Variants in GRIP1 observed in about 807,000 individuals in gnomAD.
The protein encoded by GRIP1 is glutamate receptor-interacting protein 1.
In GRIP1, 45 loss-of-function variants were observed where a neutral mutation model predicts 129.9. The observed-to-expected ratio is 0.35, with a 90% CI of 0.27 to 0.44. The LOEUF is 0.44. GRIP1 is among the 20% of genes least tolerant of loss of function. The pLI is 1.00. For missense variants in GRIP1, 1,196 were observed against 1,396.8 expected, an observed-to-expected ratio of 0.86 and a Z score of 2.29; for synonymous variants, 530 against 520.8, an observed-to-expected ratio of 1.02 and a Z score of -0.24.
intron 1 of GRIP1, among the ~76,000 whole-genome samples, chr12:66,725,886 T>G (rs1011620266): frequency 6.6e-6 from 1 of 152,194 alleles, no homozygotes; most frequent in Non-Finnish European, 1.5e-5. Context: ...TGATCCCAGT[T>G]TTTGAAAAAC....
At chr12:66,563,340 C>A (rs1436846883) in intron 2 of GRIP1, among the ~76,000 whole-genome samples, 1 of 151,980 alleles carries the variant, frequency 6.6e-6, no homozygotes, top group Non-Finnish European at 1.5e-5. Context: ...TGCTTTTCAA[C>A]ATGTAGGGTT....
chr12:66,735,261 G>C (rs115872812), intron 1 of GRIP1, among the ~76,000 whole-genome samples: 1,808 of 152,324 alleles, frequency 0.012, 52 homozygotes, highest in African/African-American at 0.041. Flanking sequence ...GAAAGGATGA[G>C]TGGGTTTTAA....
chr12:66,641,180 A>C (rs892121626), intron 1 of GRIP1, among the ~76,000 whole-genome samples: 3 of 152,248 alleles, frequency 2.0e-5, no homozygotes, highest in African/African-American at 7.2e-5. Context: ...GGCTCTGAGG[A>C]AATGGTAGTA....
At chr12:66,589,531 T>C (rs1417049171) in intron 2 of GRIP1, among the ~76,000 whole-genome samples, 2 of 152,136 alleles carry the variant, frequency 1.3e-5, no homozygotes, top group Admixed American at 1.3e-4. Flanking sequence ...AAAGTAGGTG[T>C]GTATAAATAT....
upstream of GRIP1, among the ~76,000 whole-genome samples, chr12:66,805,486 A>G (rs905874424): frequency 6.6e-6 from 1 of 152,204 alleles, no homozygotes; most frequent in African/African-American, 2.4e-5. Context: ...TTAATCAAGC[A>G]TGTCAGCATA....
chr12:66,566,447 C>T (rs1484753300), intron 2 of GRIP1, among the ~76,000 whole-genome samples: 1 of 152,164 alleles, frequency 6.6e-6, no homozygotes, highest in Admixed American at 6.5e-5. Flanking sequence ...GTTGAACCAG[C>T]CTTGCATCTC....
At chr12:66,447,272 T>C (rs1364279222) in intron 11 of GRIP1, among the ~76,000 whole-genome samples, 1 of 152,200 alleles carries the variant, frequency 6.6e-6, no homozygotes, top group African/African-American at 2.4e-5. Context: ...GGGATTTTCC[T>C]ATACCCTAAT....
chr12:66,531,650 G>A (rs1256557055), intron 4 of GRIP1, among the ~76,000 whole-genome samples: 1 of 152,048 alleles, frequency 6.6e-6, no homozygotes, highest in Non-Finnish European at 1.5e-5. Flanking sequence ...TTTCAGCTTA[G>A]ACTAATCAAC....
intron 19 of GRIP1, among the ~76,000 whole-genome samples, chr12:66,386,285 G>A (rs1156760480): frequency 6.6e-6 from 1 of 152,116 alleles, no homozygotes; most frequent in Non-Finnish European, 1.5e-5. Context: ...TTCATACCCA[G>A]CATTAATTTA....
At chr12:66,499,021 G>C (rs1332226514) in intron 7 of GRIP1, among the ~76,000 whole-genome samples, 1 of 152,120 alleles carries the variant, frequency 6.6e-6, no homozygotes, top group African/African-American at 2.4e-5. Context: ...AAGATCCCTA[G>C]GACATCCAAA....
intron 1 of GRIP1, among the ~76,000 whole-genome samples, chr12:66,816,094 A>G (rs1377361882): frequency 1.3e-5 from 2 of 152,192 alleles, no homozygotes; most frequent in Non-Finnish European, 2.9e-5. Context: ...GAACAGGATC[A>G]GTAAGTTGCA....
intron 1 of GRIP1, among the ~76,000 whole-genome samples, chr12:66,815,581 T>C (rs534874771): frequency 5.9e-5 from 9 of 152,232 alleles, no homozygotes; most frequent in African/African-American, 1.7e-4. Flanking sequence ...GGCAACATAG[T>C]GAGACCCCAT....
At chr12:66,548,206 A>G (rs1021936012) in intron 2 of GRIP1, among the ~76,000 whole-genome samples, 1 of 152,214 alleles carries the variant, frequency 6.6e-6, no homozygotes, top group African/African-American at 2.4e-5. Context: ...TTAGGATAAA[A>G]TATGAACTGT....
upstream of GRIP1, among the ~76,000 whole-genome samples, chr12:66,680,271 G>C (rs1441457211): frequency 6.6e-6 from 1 of 152,110 alleles, no homozygotes; most frequent in African/African-American, 2.4e-5. Flanking sequence ...TCCAAATTTA[G>C]TGGTAAAACT....
At chr12:66,751,375 G>A (rs1036142558) in intron 1 of GRIP1, among the ~76,000 whole-genome samples, 1 of 152,126 alleles carries the variant, frequency 6.6e-6, no homozygotes, top group African/African-American at 2.4e-5. Flanking sequence ...CAGAAAAGGG[G>A]TAACCAGCTA....
chr12:66,651,604 T>C (rs2032799652), intron 1 of GRIP1, among the ~76,000 whole-genome samples: 1 of 152,122 alleles, frequency 6.6e-6, no homozygotes, highest in Admixed American at 6.6e-5. Flanking sequence ...CCATGGCTAA[T>C]TGGGGAAAAG....
At chr12:66,450,937 C>A (rs932708429) in intron 11 of GRIP1, among the ~76,000 whole-genome samples, 1 of 152,166 alleles carries the variant, frequency 6.6e-6, no homozygotes, top group Non-Finnish European at 1.5e-5. Flanking sequence ...AATATTCCCC[C>A]GTCATTTGAA....
At chr12:67,063,604 T>C (rs2043571709) in intron 1 of GRIP1, among the ~76,000 whole-genome samples, 1 of 152,248 alleles carries the variant, frequency 6.6e-6, no homozygotes, top group African/African-American at 2.4e-5. Flanking sequence ...TTTTTATTAC[T>C]ATCATTCTTG....
intron 1 of GRIP1, among the ~76,000 whole-genome samples, chr12:67,019,267 C>T (rs1242416830): frequency 6.6e-6 from 1 of 152,168 alleles, no homozygotes; most frequent in East Asian, 1.9e-4. Context: ...ATCTGCTTAG[C>T]AGCTGCACAA....
Sources: gnomAD v4.1 joint callset for allele counts (sites outside exome capture counted in the v4.1 genomes callset) on GRCh38, gnomAD v4.1.1 for gene constraint, MANE v1.5 for transcripts, NCBI Gene and HGNC (gene_info 2026-07-23, HGNC 2026-07-21) for gene names.